The following LPAR3 variants were observed in gnomAD, a reference collection of about 807,000 sequenced individuals.
LPAR3 encodes the protein LPA receptor 3.
Under a neutral mutation model 17.8 loss-of-function variants are expected in LPAR3, and 7 were observed. That is an observed-to-expected ratio of 0.39 (90% CI 0.22 to 0.74). The LOEUF is 0.74. LPAR3 is among the 30% of genes least tolerant of loss of function. The pLI is 0.40. For synonymous variants in LPAR3, 179 were observed against 179.9 expected (o/e 0.99, Z 0.04); for missense variants, 391 against 453.4 (o/e 0.86, Z 1.25).
intron 2 of LPAR3, among the ~76,000 whole-genome samples, chr1:84,857,085 C>A (rs1042434771): frequency 6.6e-6 from 1 of 152,094 alleles, no homozygotes; most frequent in South Asian, 2.1e-4. Context: ...AAAGCACACC[C>A]GGTCAGCTTC....
chr1:84,836,917 T>C (rs1178926693), intron 2 of LPAR3, among the ~76,000 whole-genome samples: 1 of 152,166 alleles, frequency 6.6e-6, no homozygotes, highest in Non-Finnish European at 1.5e-5. Flanking sequence ...TTTTGATACA[T>C]ATATACATTG....
chr1:84,840,463 A>G (rs1440557071), intron 2 of LPAR3, among the ~76,000 whole-genome samples: 1 of 152,244 alleles, frequency 6.6e-6, no homozygotes, highest in Non-Finnish European at 1.5e-5. Flanking sequence ...TAACAATAAC[A>G]AAAACCAACA....
intron 2 of LPAR3, among the ~76,000 whole-genome samples, chr1:84,850,473 T>A (rs900841098): frequency 1.4e-5 from 2 of 147,142 alleles, no homozygotes; most frequent in African/African-American, 2.5e-5. Flanking sequence ...TGTACTCCCA[T>A]CTACTCAGGA....
At chr1:84,848,272 C>T (rs575968873) in intron 2 of LPAR3, among the ~76,000 whole-genome samples, 4 of 152,314 alleles carry the variant, frequency 2.6e-5, no homozygotes, top group Middle Eastern at 3.4e-3. Context: ...ATGCAGGTCC[C>T]GCCAAGAAAG....
chr1:84,879,309 C>CT (rs1199196149), intron 1 of LPAR3, among the ~76,000 whole-genome samples: 18 of 73,532 alleles, frequency 2.4e-4, no homozygotes, highest in Non-Finnish European at 4.1e-4. Flanking sequence ...CTTTTCTTTT[C>CT]TTTTTTCTTT....
At position 84,883,490 on chromosome 1, in the gene LPAR3, C is replaced by T. The variant is rs963385770; in HGVS notation, c.-19+9526G>A. Among the ~76,000 whole-genome samples, 4 of 152,220 alleles carry T rather than the reference C, an allele frequency of 2.6e-5. No homozygotes were observed. The South Asian group carries it at 8.3e-4, about 31-fold the overall frequency. On this transcript the variant is annotated intron_variant, in intron 1 of 2. Coordinates refer to ENST00000370611, the MANE Select transcript of LPAR3 (RefSeq NM_012152.3). ...GAAAACCTAATGTTTAACATTCTTA[C>T]TATGTTACCATACTTCCTCTAAACC...
At chr1:84,855,239 A>G (rs1249224476) in intron 2 of LPAR3, among the ~76,000 whole-genome samples, 1 of 152,208 alleles carries the variant, frequency 6.6e-6, no homozygotes, top group African/African-American at 2.4e-5. Flanking sequence ...TTCGAAGTAC[A>G]ATGTTAACAT....
intron 2 of LPAR3, among the ~76,000 whole-genome samples, chr1:84,835,554 G>A (rs549720583): frequency 1.3e-5 from 2 of 152,230 alleles, no homozygotes; most frequent in South Asian, 4.2e-4. Flanking sequence ...CATAACATTT[G>A]ACTCTGTTGA....
intron 1 of LPAR3, among the ~76,000 whole-genome samples, chr1:84,876,749 T>C (rs1381750839): frequency 6.6e-6 from 1 of 152,234 alleles, no homozygotes; most frequent in African/African-American, 2.4e-5. Flanking sequence ...AAAACTGTTA[T>C]TTGAAAAGTC....
At chr1:84,821,475 C>A (rs148454925) in intron 2 of LPAR3, among the ~76,000 whole-genome samples, 1 of 152,142 alleles carries the variant, frequency 6.6e-6, no homozygotes, top group African/African-American at 2.4e-5. Context: ...GTGCTCAGGA[C>A]GGACTAGAGG....
chr1:84,831,333 G>A (rs1038879700), intron 2 of LPAR3, among the ~76,000 whole-genome samples: 4 of 152,048 alleles, frequency 2.6e-5, no homozygotes, highest in African/African-American at 9.7e-5. Flanking sequence ...GGCTCACACC[G>A]TAGTCCTAGC....
chr1:84,825,250 A>C (rs953417891), intron 2 of LPAR3, among the ~76,000 whole-genome samples: 3 of 152,192 alleles, frequency 2.0e-5, no homozygotes, highest in Non-Finnish European at 4.4e-5. Flanking sequence ...GGTAAAATTT[A>C]AGACGCATGT....
chr1:84,857,596 G>A (rs1287902557), intron 2 of LPAR3, among the ~76,000 whole-genome samples: 2 of 152,208 alleles, frequency 1.3e-5, no homozygotes, highest in East Asian at 3.8e-4. Flanking sequence ...AAAACATTTG[G>A]ATCAAGGGCG....
At chr1:84,881,756 G>A (rs1390620614) in intron 1 of LPAR3, among the ~76,000 whole-genome samples, 1 of 152,172 alleles carries the variant, frequency 6.6e-6, no homozygotes, top group Non-Finnish European at 1.5e-5. Context: ...GGGGGAAGAG[G>A]AGGGAGAGGA....
At chr1:84,829,265 C>T (rs1051533296) in intron 2 of LPAR3, among the ~76,000 whole-genome samples, 1 of 146,606 alleles carries the variant, frequency 6.8e-6, no homozygotes, top group East Asian at 2.0e-4. Flanking sequence ...GGAACTTTGC[C>T]CATTTAATTC....
At chr1:84,839,873 A>G (rs566741674) in intron 2 of LPAR3, among the ~76,000 whole-genome samples, 19 of 152,288 alleles carry the variant, frequency 1.2e-4, no homozygotes, top group Non-Finnish European at 2.5e-4. Flanking sequence ...AAAATTAAAT[A>G]AGTAAATATC....
intron 1 of LPAR3, among the ~76,000 whole-genome samples, chr1:84,884,355 G>A (rs572918801): frequency 2.0e-5 from 3 of 152,348 alleles, no homozygotes; most frequent in Admixed American, 6.5e-5. Flanking sequence ...TTGCCTTGCT[G>A]AGAGAATTAA....
intron 2 of LPAR3, among the ~76,000 whole-genome samples, chr1:84,863,763 T>C (rs1659986051): frequency 6.6e-6 from 1 of 152,228 alleles, no homozygotes; most frequent in African/African-American, 2.4e-5. Context: ...CTTGGATGTC[T>C]AATAGGTTCC....
chr1:84,876,677 T>C (rs1255415995), intron 1 of LPAR3, among the ~76,000 whole-genome samples: 1 of 152,230 alleles, frequency 6.6e-6, no homozygotes, highest in Non-Finnish European at 1.5e-5. Context: ...CCAGGTTGAC[T>C]ATATCACCTC....
Sources: allele counts gnomAD v4.1 joint callset (sites outside exome capture counted in the v4.1 genomes callset), GRCh38; gene constraint gnomAD v4.1.1; transcripts MANE v1.5; gene names NCBI Gene and HGNC (gene_info 2026-07-23, HGNC 2026-07-21).